The following SPOCK1 variants were observed in gnomAD, a reference collection of about 807,000 sequenced individuals.
SPOCK1 encodes the protein testican-1.
Under a neutral mutation model 55.3 loss-of-function variants are expected in SPOCK1, and 23 were observed. The ratio of observed to expected loss-of-function variants is 0.42; its 90% confidence interval spans 0.30 to 0.59. SPOCK1 has a LOEUF of 0.59. Ranked by LOEUF, SPOCK1 falls within the 20% of genes least tolerant of loss-of-function variation. The pLI, the probability that SPOCK1 is intolerant of heterozygous loss-of-function variation, is 0.22. For synonymous variants in SPOCK1, 226 were observed against 221.0 expected (o/e 1.02, Z -0.20); for missense variants, 499 against 552.5 (o/e 0.90, Z 0.97).
At position 137,160,626 on chromosome 5, in the gene SPOCK1, ATATAATATATAATATATATTT is replaced by A. The variant is rs747178698; in HGVS notation, c.233-19953_233-19933del. The stretch of plus-strand genomic sequence containing the variant: ...ATATATAATATATAATATATATTTT[ATATAATATATAATATATATTT>A]TATATAATATACAATATATAATATA... On this transcript the variant is annotated intron_variant, in intron 3 of 10. Coordinates refer to ENST00000394945, the MANE Select transcript of SPOCK1 (RefSeq NM_004598.4). 4.7e-3 allele frequency among the ~76,000 whole-genome samples: 448 copies of A among 96,254 alleles called. 1 individual carries two copies. Among genetic ancestry groups the A allele is most frequent in the Middle Eastern group, 8.2e-3 (2 of 244 alleles). 63.1% of individuals were successfully genotyped at this position (96,254 alleles called of 152,430 possible).
At chr5:137,421,516 T>A (rs1395336710) in intron 2 of SPOCK1, among the ~76,000 whole-genome samples, 1 of 152,244 alleles carries the variant, frequency 6.6e-6, no homozygotes, top group African/African-American at 2.4e-5. Flanking sequence ...GGTAGTTAGC[T>A]CTTCTTGTTG....
intron 2 of SPOCK1, among the ~76,000 whole-genome samples, chr5:137,407,009 TG>T (rs753624765): frequency 1.3e-5 from 2 of 152,220 alleles, no homozygotes; most frequent in Non-Finnish European, 2.9e-5. Flanking sequence ...GTGGCCAAGC[TG>T]GGTCTTGAAC....
intron 6 of SPOCK1, among the ~76,000 whole-genome samples, chr5:137,000,757 C>T (rs1174961636): frequency 6.6e-6 from 1 of 152,130 alleles, no homozygotes; most frequent in Non-Finnish European, 1.5e-5. Flanking sequence ...AGAAAGTAGG[C>T]TCTGGGCTGG....
chr5:137,192,766 C>T (rs1026913941), intron 3 of SPOCK1, among the ~76,000 whole-genome samples: 1 of 152,172 alleles, frequency 6.6e-6, no homozygotes, highest in Non-Finnish European at 1.5e-5. Context: ...CATGAACCAA[C>T]AACACGGAAA....
At chr5:137,390,872 G>A (rs370688622) in intron 2 of SPOCK1, among the ~76,000 whole-genome samples, 2 of 152,168 alleles carry the variant, frequency 1.3e-5, no homozygotes, top group African/African-American at 2.4e-5. Flanking sequence ...GAGCTGGCGG[G>A]AGTGTGTATA....
intron 3 of SPOCK1, among the ~76,000 whole-genome samples, chr5:137,198,057 T>A (rs569561522): frequency 6.6e-6 from 1 of 152,362 alleles, no homozygotes; most frequent in Admixed American, 6.5e-5. Context: ...CATCAGTATT[T>A]TTCTGTTATG....
intron 2 of SPOCK1, among the ~76,000 whole-genome samples, chr5:137,309,801 A>T (rs1017974434): frequency 6.6e-6 from 1 of 152,022 alleles, no homozygotes; most frequent in Non-Finnish European, 1.5e-5. Flanking sequence ...AATGCATGTG[A>T]AGCATCTAGT....
intron 3 of SPOCK1, among the ~76,000 whole-genome samples, chr5:137,161,531 C>T (rs1241231217): frequency 6.6e-6 from 1 of 152,112 alleles, no homozygotes; most frequent in Non-Finnish European, 1.5e-5. Flanking sequence ...CTTTCATCTA[C>T]ACATTTTTTA....
intron 3 of SPOCK1, among the ~76,000 whole-genome samples, chr5:137,169,653 A>C (rs1754711171): frequency 6.6e-6 from 1 of 152,172 alleles, no homozygotes; most frequent in South Asian, 2.1e-4. Context: ...TCATCCCACC[A>C]ACATTTAGAG....
At chr5:137,274,843 C>G (rs1483689272) in intron 2 of SPOCK1, among the ~76,000 whole-genome samples, 1 of 152,184 alleles carries the variant, frequency 6.6e-6, no homozygotes, top group East Asian at 1.9e-4. Flanking sequence ...AGGGCAGACA[C>G]GTACTATCTA....
At chr5:136,992,725 A>C in intron 6 of SPOCK1, 125 bp from the exon 7 acceptor site, 9 of 628,932 alleles carry the variant, frequency 1.4e-5, no homozygotes, top group Non-Finnish European at 2.4e-5. Flanking sequence ...CTGTTACCTC[A>C]CGTGGAAAAC....
At chr5:137,215,680 C>T (rs1755703301) in intron 3 of SPOCK1, among the ~76,000 whole-genome samples, 1 of 152,136 alleles carries the variant, frequency 6.6e-6, no homozygotes, top group South Asian at 2.1e-4. Context: ...CCCAAACCTC[C>T]CAGCAATAGG....
intron 2 of SPOCK1, among the ~76,000 whole-genome samples, chr5:137,420,591 G>T (rs1044079782): frequency 6.6e-6 from 1 of 152,068 alleles, no homozygotes. Flanking sequence ...GCGTAGAGGT[G>T]TTATAGTATT....
chr5:137,101,375 G>C (rs12522252), intron 5 of SPOCK1, among the ~76,000 whole-genome samples: 1 of 152,166 alleles, frequency 6.6e-6, no homozygotes, highest in Non-Finnish European at 1.5e-5. Context: ...TTCGTGTTCA[G>C]GTAATTGCTT....
At chr5:137,465,503 G>A (rs904911212) in intron 2 of SPOCK1, among the ~76,000 whole-genome samples, 4 of 151,802 alleles carry the variant, frequency 2.6e-5, no homozygotes, top group African/African-American at 9.7e-5. Context: ...CTTGATTCTT[G>A]TTTAGCTGGA....
At chr5:137,064,063 C>A (rs984547437) in intron 6 of SPOCK1, among the ~76,000 whole-genome samples, 29 of 152,028 alleles carry the variant, frequency 1.9e-4, no homozygotes, top group Admixed American at 4.6e-4. Flanking sequence ...TTCACCGTGA[C>A]CTTAGTGGAC....
chr5:137,208,830 AACCTGC>A (rs1755562982), intron 3 of SPOCK1, among the ~76,000 whole-genome samples: 1 of 152,226 alleles, frequency 6.6e-6, no homozygotes, highest in Admixed American at 6.5e-5. Context: ...CCAGGTAACA[AACCTGC>A]ACATGTACCC....
intron 2 of SPOCK1, among the ~76,000 whole-genome samples, chr5:137,311,468 C>A (rs952735768): frequency 2.0e-5 from 3 of 152,200 alleles, no homozygotes; most frequent in Non-Finnish European, 4.4e-5. Context: ...TAAATAATTA[C>A]AACAAGCATA....
intron 2 of SPOCK1, among the ~76,000 whole-genome samples, chr5:137,464,424 C>A (rs938212802): frequency 2.6e-5 from 4 of 151,986 alleles, no homozygotes; most frequent in Admixed American, 6.6e-5. Flanking sequence ...AACATATACA[C>A]CTACTATATA....
Sources: gnomAD v4.1 joint callset for allele counts (sites outside exome capture counted in the v4.1 genomes callset) on GRCh38, gnomAD v4.1.1 for gene constraint, MANE v1.5 for transcripts, NCBI Gene and HGNC (gene_info 2026-07-23, HGNC 2026-07-21) for gene names.